The following WNT7A variants were observed in gnomAD, a reference collection of about 807,000 sequenced individuals.
WNT7A encodes the protein Wnt family member 7A, also known as protein Wnt-7a.
Under a neutral mutation model 28.2 loss-of-function variants are expected in WNT7A, and 16 were observed. That is an observed-to-expected ratio of 0.57 (90% CI 0.38 to 0.86). WNT7A has a LOEUF of 0.86. Among genes scored for constraint, WNT7A ranks in the 40% least tolerant of loss-of-function variants. WNT7A has a pLI of 0.00. For missense variants in WNT7A, 411 were observed against 489.7 expected (o/e 0.84, Z 1.52); for synonymous variants, 190 against 195.9 (o/e 0.97, Z 0.25).
In WNT7A at chr3:13,818,351, C is replaced by CGAAAAAAAAAAAAAAAAAAAAAAA; in HGVS notation, c.*592_*593insTTTTTTTTTTTTTTTTTTTTTTTC. On this transcript the variant is annotated 3_prime_UTR_variant, in exon 4 of 4. Transcript: ENST00000285018. ...TTTCTGGATAAGTAGCAGCAAACAG[C>CGAAAAAAAAAAAAAAAAAAAAAAA]AAAAAAAAAAAAAAAAATGTGTGTG... The CGAAAAAAAAAAAAAAAAAAAAAAA allele has an allele frequency of 2.5e-5, 2 of 79,950 alleles. 1 individual carries two copies. Among genetic ancestry groups the CGAAAAAAAAAAAAAAAAAAAAAAA allele is most frequent in the Non-Finnish European group, 4.9e-5 (2 of 40,526 alleles). 5.0% of individuals were successfully genotyped at this position (79,950 alleles called of 1,614,324 possible). A position where few individuals can be genotyped will look rare whatever the true frequency, so the allele number is the denominator to read the frequency against.
At chr3:13,825,867 C>A (rs1156623214) in intron 3 of WNT7A, among the ~76,000 whole-genome samples, 1 of 152,230 alleles carries the variant, frequency 6.6e-6, no homozygotes, top group Non-Finnish European at 1.5e-5. Context: ...CCCTTTATTC[C>A]TTTATACAGA....
intron 3 of WNT7A, among the ~76,000 whole-genome samples, chr3:13,839,283 C>T (rs570462425): frequency 6.6e-6 from 1 of 152,324 alleles, no homozygotes; most frequent in African/African-American, 2.4e-5. Flanking sequence ...CCGGGAGCTG[C>T]ATTTCCACAC....
At position 13,875,076 on chromosome 3, in the gene WNT7A, C is replaced by T. The variant is rs139790545; in HGVS notation, c.169G>A (p.Asp57Asn). 4.8e-5 allele frequency: 77 copies of T among 1,614,130 alleles called. No individual in the cohort carries two copies. Among genetic ancestry groups the T allele is most frequent in the Non-Finnish European group, 5.9e-5 (70 of 1,180,060 alleles). ...CCTTCTCCTATGACGATGATGGCGT[C>T]GGGCCGGCTCTGGCAGATCGCCCGC... ...RQRAICQSRP[D>N]AIIVIGEGSQ... The change falls in exon 2 of 4, where the codon GAC (aspartate) becomes AAC (asparagine). Residue 57 changes from aspartate (D) to asparagine (N), a missense_variant. Asp to Asn is a conservative substitution (Grantham distance 23). Coordinates refer to ENST00000285018, the MANE Select transcript of WNT7A (RefSeq NM_004625.4).
chr3:13,852,423 C>T (rs533858463), intron 3 of WNT7A, among the ~76,000 whole-genome samples: 15 of 152,200 alleles, frequency 9.9e-5, no homozygotes, highest in Non-Finnish European at 1.3e-4. Context: ...CCCATGGCAG[C>T]CTGTTGGGAG....
At chr3:13,859,632 G>A (rs544882006) in intron 2 of WNT7A, among the ~76,000 whole-genome samples, 15 of 152,168 alleles carry the variant, frequency 9.9e-5, no homozygotes, top group East Asian at 1.9e-4. Context: ...TGTCCCTCTC[G>A]GATATAATTG....
chr3:13,850,477 C>T (rs888347656), intron 3 of WNT7A, among the ~76,000 whole-genome samples: 1 of 152,204 alleles, frequency 6.6e-6, no homozygotes, highest in Non-Finnish European at 1.5e-5. Context: ...AAGACCGACA[C>T]CCCTCCGTGT....
Position 13,865,720 on chromosome 3 carries a change from G to A in WNT7A, c.298+9227C>T, listed in dbSNP as rs115592919. ...CTCGGAGCAACTGGGGCCACACAAG[G>A]TAGAAAGGAGCTGGCCTGCCTGGGG... On this transcript the variant is annotated intron_variant, in intron 2 of 3. Coordinates refer to ENST00000285018, the MANE Select transcript of WNT7A (RefSeq NM_004625.4). Among the ~76,000 whole-genome samples, 396 of 152,284 alleles carry A rather than the reference G, an allele frequency of 2.6e-3. 1 individual carries two copies. Among genetic ancestry groups the A allele is most frequent in the African/African-American group, 8.9e-3 (371 of 41,548 alleles).
intron 3 of WNT7A, 143 bp from the exon 4 acceptor site, chr3:13,819,566 A>C: frequency 3.3e-6 from 4 of 1,205,202 alleles, no homozygotes; most frequent in African/African-American, 1.6e-5. Context: ...TAGGAAACTC[A>C]GACCTGGATT....
At position 13,879,769 on chromosome 3, in the gene WNT7A, C is replaced by G. The variant is rs1695179165; in HGVS notation, c.48G>C (p.Leu16=). 6.2e-7 allele frequency: 1 copy of G among 1,612,784 alleles called. No homozygotes were observed. The highest frequency in any genetic ancestry group is 8.5e-7 in the Non-Finnish European group (1 of 1,179,256). The stretch of plus-strand genomic sequence containing the variant: ...ACCCGATCCGGAGGTAGACCATGCC[C>G]AGGCTGAGAAAGAGGTGGCCCAGGC... The part of the protein sequence containing the change: ...RRCLGHLFLS[L]GMVYLRIGGF... Residue 16 remains leucine (L), a synonymous_variant, in exon 1 of 4, where the codon CTG becomes CTC. Transcript: ENST00000285018.
At chr3:13,841,619 T>C (rs950710666) in intron 3 of WNT7A, among the ~76,000 whole-genome samples, 5 of 152,188 alleles carry the variant, frequency 3.3e-5, no homozygotes, top group African/African-American at 1.2e-4. Context: ...AGGTATAAAA[T>C]ATTCATGTGC....
chr3:13,819,033 C>G lies in WNT7A; in HGVS notation c.961G>C (p.Val321Leu). ...RGYNTHQYAR[V>L]WQCNCKFHWC... The stretch of plus-strand genomic sequence containing the variant: ...TGGAACTTACAGTTGCACTGCCACA[C>G]GCGGGCGTACTGGTGGGTGTTGTAG... The change falls in exon 4 of 4, where the codon GTG becomes CTG. Residue 321 changes from valine to leucine, a missense_variant. Transcript: ENST00000285018. 1 of 1,612,970 alleles carries G rather than the reference C, an allele frequency of 6.2e-7. No individual in the cohort carries two copies. Among genetic ancestry groups the G allele is most frequent in the Non-Finnish European group, 8.5e-7 (1 of 1,179,094 alleles).
intron 3 of WNT7A, among the ~76,000 whole-genome samples, chr3:13,833,643 G>C (rs1309428766): frequency 6.6e-6 from 1 of 152,206 alleles, no homozygotes. Context: ...TACGGGGCAG[G>C]GGTTGCCTTG....
intron 3 of WNT7A, among the ~76,000 whole-genome samples, chr3:13,840,525 C>T (rs1288405105): frequency 2.0e-5 from 3 of 152,108 alleles, no homozygotes; most frequent in Admixed American, 6.6e-5. Context: ...GGAAAATGTC[C>T]AACTTTCCAG....
intron 2 of WNT7A, among the ~76,000 whole-genome samples, chr3:13,866,107 C>T (rs1030322809): frequency 2.0e-5 from 3 of 152,182 alleles, no homozygotes; most frequent in Non-Finnish European, 4.4e-5. Context: ...ACCCTCTGTG[C>T]CATCTCCTGC....
chr3:13,832,299 T>A (rs1351432913), intron 3 of WNT7A, among the ~76,000 whole-genome samples: 1 of 148,724 alleles, frequency 6.7e-6, no homozygotes, highest in Admixed American at 6.7e-5. Context: ...AGGCTCCTCC[T>A]CCTCTACAGG....
At chr3:13,867,786 C>T (rs530756297) in intron 2 of WNT7A, among the ~76,000 whole-genome samples, 1 of 152,176 alleles carries the variant, frequency 6.6e-6, no homozygotes, top group Non-Finnish European at 1.5e-5. Context: ...GGGGAAAAAG[C>T]ATGAAGAGGT....
intron 3 of WNT7A, among the ~76,000 whole-genome samples, chr3:13,832,315 CCTT>C (rs1289179488): frequency 1.3e-5 from 2 of 150,580 alleles, no homozygotes; most frequent in Non-Finnish European, 3.0e-5. Context: ...ACAGGCTTCT[CCTT>C]CTTCCCAAGC....
At chr3:13,839,176 A>G (rs2124843556) in intron 3 of WNT7A, among the ~76,000 whole-genome samples, 1 of 152,332 alleles carries the variant, frequency 6.6e-6, no homozygotes, top group Non-Finnish European at 1.5e-5. Flanking sequence ...CTTGCTGCTC[A>G]AGGTGTGGTT....
At chr3:13,843,987 C>A (rs1694501153) in intron 3 of WNT7A, among the ~76,000 whole-genome samples, 1 of 152,152 alleles carries the variant, frequency 6.6e-6, no homozygotes, top group African/African-American at 2.4e-5. Context: ...CTCAGGTGAT[C>A]CACCCACCCT....
Sources: gnomAD v4.1 joint callset for allele counts (sites outside exome capture counted in the v4.1 genomes callset) on GRCh38, gnomAD v4.1.1 for gene constraint, MANE v1.5 for transcripts, NCBI Gene and HGNC (gene_info 2026-07-23, HGNC 2026-07-21) for gene names.